SGCD: variants seen among roughly 807,000 people sequenced by gnomAD.
SGCD encodes the protein sarcoglycan delta, also known as delta-sarcoglycan.
In SGCD, 18 loss-of-function variants were observed where a neutral mutation model predicts 36.6. The observed-to-expected ratio is 0.49, with a 90% CI of 0.34 to 0.73. The LOEUF (loss-of-function observed/expected upper bound fraction) is 0.73. SGCD is among the 30% of genes least tolerant of loss of function. SGCD has a pLI of 0.01. For synonymous variants in SGCD, 133 were observed against 130.6 expected, an observed-to-expected ratio of 1.02 and a Z score of -0.12; for missense variants, 387 against 346.7, an observed-to-expected ratio of 1.12 and a Z score of -0.92.
intron 4 of SGCD, among the ~76,000 whole-genome samples, chr5:156,524,699 G>A (rs187598692): frequency 2.7e-3 from 408 of 151,928 alleles, no homozygotes; most frequent in Non-Finnish European, 4.5e-3. Flanking sequence ...ACTTATTCAC[G>A]TTATAAATGA....
At chr5:156,494,483 T>G (rs1040716903) in intron 3 of SGCD, among the ~76,000 whole-genome samples, 2 of 152,024 alleles carry the variant, frequency 1.3e-5, no homozygotes, top group Non-Finnish European at 2.9e-5. Flanking sequence ...TATTTAAGTT[T>G]AACAAAATCA....
intron 3 of SGCD, among the ~76,000 whole-genome samples, chr5:156,428,761 T>C (rs1716225101): frequency 6.6e-6 from 1 of 152,148 alleles, no homozygotes; most frequent in Non-Finnish European, 1.5e-5. Context: ...CAAATAATTT[T>C]AAATTTCCAT....
At chr5:156,017,988 C>T (rs1486632396) in intron 1 of SGCD, among the ~76,000 whole-genome samples, 2 of 151,974 alleles carry the variant, frequency 1.3e-5, no homozygotes, top group African/African-American at 2.4e-5. Flanking sequence ...AGGGAGACTC[C>T]ATCTCTACAA....
At chr5:156,758,405 G>GA (rs1757417914) in intron 8 of SGCD, among the ~76,000 whole-genome samples, 2 of 149,582 alleles carry the variant, frequency 1.3e-5, no homozygotes, top group Admixed American at 1.3e-4. Flanking sequence ...TTTTTTTTAA[G>GA]AAAAATGCTA....
chr5:155,899,133 G>T (rs1394640599), intron 1 of SGCD, among the ~76,000 whole-genome samples: 1 of 152,070 alleles, frequency 6.6e-6, no homozygotes, highest in East Asian at 1.9e-4. Flanking sequence ...GAAAGAGGGA[G>T]ATTTATTTGT....
chr5:155,866,176 A>G (rs1471405188), upstream of SGCD, among the ~76,000 whole-genome samples: 1 of 152,138 alleles, frequency 6.6e-6, no homozygotes. Context: ...ATGATTAATC[A>G]TTTTTACTCC....
At chr5:156,638,466 C>T (rs1468929968) in intron 6 of SGCD, among the ~76,000 whole-genome samples, 1 of 152,168 alleles carries the variant, frequency 6.6e-6, no homozygotes, top group Non-Finnish European at 1.5e-5. Flanking sequence ...ACCAGGGGGT[C>T]ACCCTTGAGC....
intron 4 of SGCD, among the ~76,000 whole-genome samples, chr5:156,532,105 T>A (rs536065180): frequency 6.6e-6 from 1 of 152,056 alleles, no homozygotes; most frequent in South Asian, 2.1e-4. Flanking sequence ...AGCAAAACTT[T>A]GTCTCAAAAA....
intron 1 of SGCD, among the ~76,000 whole-genome samples, chr5:156,022,625 G>T (rs1034550877): frequency 1.3e-5 from 2 of 152,198 alleles, no homozygotes; most frequent in Non-Finnish European, 2.9e-5. Flanking sequence ...TGGTTTTAGT[G>T]ATGGTATGTA....
chr5:155,888,483 G>A (rs949133431), intron 1 of SGCD, among the ~76,000 whole-genome samples: 1 of 152,198 alleles, frequency 6.6e-6, no homozygotes, highest in Non-Finnish European at 1.5e-5. Flanking sequence ...GATGTAACAT[G>A]AGAGTCTTCA....
chr5:155,779,844 G>A, the SGCD span, among the ~76,000 whole-genome samples: 5 of 151,996 alleles, frequency 3.3e-5, no homozygotes, highest in Admixed American at 6.6e-5. Context: ...CTTTTGTAGT[G>A]GGTATGAAGG....
intron 3 of SGCD, among the ~76,000 whole-genome samples, chr5:156,311,843 T>C (rs1767396949): frequency 6.6e-6 from 1 of 152,230 alleles, no homozygotes; most frequent in Admixed American, 6.5e-5. Context: ...CAAAATGAGC[T>C]TATTTCTTCT....
chr5:156,256,789 T>C (rs1419766582), intron 3 of SGCD, among the ~76,000 whole-genome samples: 2 of 152,128 alleles, frequency 1.3e-5, no homozygotes, highest in Middle Eastern at 3.2e-3. Flanking sequence ...TTGCAGGAGG[T>C]TCTCAAGGTC....
At chr5:156,490,246 C>A (rs553497170) in intron 3 of SGCD, among the ~76,000 whole-genome samples, 5 of 152,064 alleles carry the variant, frequency 3.3e-5, no homozygotes, top group Non-Finnish European at 5.9e-5. Flanking sequence ...GAGCCCAGGA[C>A]GAGATGCCTT....
At chr5:156,395,084 A>G (rs1157062667) in intron 3 of SGCD, among the ~76,000 whole-genome samples, 3 of 152,216 alleles carry the variant, frequency 2.0e-5, no homozygotes, top group African/African-American at 4.8e-5. Context: ...CATTGTGGAA[A>G]TGAGTGAATG....
chr5:155,813,838 T>G, the SGCD span, among the ~76,000 whole-genome samples: 1 of 152,212 alleles, frequency 6.6e-6, no homozygotes, highest in Non-Finnish European at 1.5e-5. Flanking sequence ...AAAATGGTAG[T>G]GACTGAAATC....
chr5:156,285,992 C>A (rs571282341), intron 3 of SGCD, among the ~76,000 whole-genome samples: 29 of 152,208 alleles, frequency 1.9e-4, no homozygotes, highest in African/African-American at 7.0e-4. Context: ...AAACGAACAA[C>A]CCTATCAAAA....
At chr5:156,683,032 A>G (rs775148867) in intron 7 of SGCD, among the ~76,000 whole-genome samples, 1 of 152,214 alleles carries the variant, frequency 6.6e-6, no homozygotes, top group Non-Finnish European at 1.5e-5. Context: ...CAGGTAAGTT[A>G]TGGAAGGGAA....
chr5:156,192,987 A>G (rs76989770), intron 3 of SGCD, among the ~76,000 whole-genome samples: 2,030 of 151,682 alleles, frequency 0.013, 16 homozygotes, highest in Non-Finnish European at 0.021. Context: ...AATGTGATTC[A>G]TGGACACCGA....
Sources: gnomAD v4.1 joint callset for allele counts (sites outside exome capture counted in the v4.1 genomes callset) on GRCh38, gnomAD v4.1.1 for gene constraint, MANE v1.5 for transcripts, NCBI Gene and HGNC (gene_info 2026-07-23, HGNC 2026-07-21) for gene names.